The following CSMD1 variants were observed in gnomAD, a reference collection of about 807,000 sequenced individuals.
CSMD1 encodes the protein CUB and Sushi multiple domains 1.
In CSMD1, 213 loss-of-function variants were observed where a neutral mutation model predicts 417.5. The observed-to-expected ratio is 0.51, with a 90% CI of 0.46 to 0.57. CSMD1 has a LOEUF of 0.57. CSMD1 is among the 20% of genes least tolerant of loss of function. CSMD1 has a pLI of 0.00. For synonymous variants in CSMD1, 2,862 were observed against 1,736.8 expected, an observed-to-expected ratio of 1.65 and a Z score of -16.11; for missense variants, 6,923 against 4,529.7, an observed-to-expected ratio of 1.53 and a Z score of -15.17.
chr8:3,935,207 C>G (rs964903805), intron 5 of CSMD1, among the ~76,000 whole-genome samples: 1 of 152,058 alleles, frequency 6.6e-6, no homozygotes, highest in Non-Finnish European at 1.5e-5. Context: ...TAACAAAGCT[C>G]CAACAGAACA....
At chr8:3,901,730 A>T (rs1029545864) in intron 5 of CSMD1, among the ~76,000 whole-genome samples, 1 of 152,250 alleles carries the variant, frequency 6.6e-6, no homozygotes, top group African/African-American at 2.4e-5. Context: ...AACTGTCTTT[A>T]TGTAGGCTTA....
chr8:3,034,856 T>C (rs902156566), intron 50 of CSMD1, among the ~76,000 whole-genome samples: 1 of 152,148 alleles, frequency 6.6e-6, no homozygotes, highest in Non-Finnish European at 1.5e-5. Flanking sequence ...TACATGAAGC[T>C]GAAGTTAAGA....
intron 5 of CSMD1, among the ~76,000 whole-genome samples, chr8:3,786,430 G>T (rs576046021): frequency 2.0e-5 from 3 of 152,122 alleles, no homozygotes; most frequent in Non-Finnish European, 4.4e-5. Flanking sequence ...ACAAAAGTAC[G>T]AGAGAAAGCA....
chr8:4,117,549 G>A (rs1027524576), intron 3 of CSMD1, among the ~76,000 whole-genome samples: 4 of 152,168 alleles, frequency 2.6e-5, no homozygotes, highest in Non-Finnish European at 5.9e-5. Flanking sequence ...CTCACTGATT[G>A]TGACAGCTAA....
At chr8:4,087,728 CCT>C (rs1305391668) in intron 3 of CSMD1, among the ~76,000 whole-genome samples, 1 of 152,122 alleles carries the variant, frequency 6.6e-6, no homozygotes, top group Non-Finnish European at 1.5e-5. Flanking sequence ...TCAACCGCAC[CCT>C]TTCTTCTGTC....
chr8:3,142,801 G>A (rs150200026), intron 40 of CSMD1, 127 bp from the exon 41 acceptor site: 29 of 820,762 alleles, frequency 3.5e-5, no homozygotes, highest in African/African-American at 2.0e-4. Context: ...GAACCATGCC[G>A]TGGAGGACGG....
intron 12 of CSMD1, among the ~76,000 whole-genome samples, chr8:3,410,459 T>C (rs531250456): frequency 1.3e-5 from 2 of 152,272 alleles, no homozygotes; most frequent in South Asian, 2.1e-4. Flanking sequence ...GGCAGGTCTT[T>C]CCTGTGCTGT....
At chr8:3,674,166 A>C (rs1356170928) in intron 7 of CSMD1, among the ~76,000 whole-genome samples, 1 of 152,212 alleles carries the variant, frequency 6.6e-6, no homozygotes. Context: ...AACATTCATA[A>C]TGAAGACTTC....
At chr8:3,937,193 C>T (rs892196897) in intron 5 of CSMD1, among the ~76,000 whole-genome samples, 5 of 152,122 alleles carry the variant, frequency 3.3e-5, no homozygotes, top group Admixed American at 1.3e-4. Context: ...ATGCTGTGAA[C>T]ATTGTTGAAA....
At chr8:4,038,739 C>G (rs1797741333) in intron 3 of CSMD1, among the ~76,000 whole-genome samples, 1 of 152,178 alleles carries the variant, frequency 6.6e-6, no homozygotes, top group African/African-American at 2.4e-5. Context: ...GAATTCTGCG[C>G]CCAATGCAGA....
chr8:3,346,493 A>G (rs1174351615), intron 22 of CSMD1, among the ~76,000 whole-genome samples: 1 of 152,240 alleles, frequency 6.6e-6, no homozygotes, highest in Non-Finnish European at 1.5e-5. Flanking sequence ...CTTCTTCATG[A>G]CAGTCCCTCA....
intron 3 of CSMD1, among the ~76,000 whole-genome samples, chr8:4,323,294 TCA>T (rs1799373549): frequency 2.0e-5 from 3 of 152,136 alleles, no homozygotes; most frequent in Admixed American, 1.3e-4. Context: ...CAGACTTATT[TCA>T]CACAGTCTTA....
intron 48 of CSMD1, among the ~76,000 whole-genome samples, chr8:3,089,101 CAAAG>C (rs1814743948): frequency 6.6e-6 from 1 of 152,128 alleles, no homozygotes; most frequent in South Asian, 2.1e-4. Context: ...GCACAGAATA[CAAAG>C]AGAGACTGGA....
At position 4,881,453 on chromosome 8, in the gene CSMD1, ATCTATCTATCT is replaced by A. The variant is rs1198083417; in HGVS notation, c.85+112868_85+112878del. Among the ~76,000 whole-genome samples the A allele has an allele frequency of 1.9e-3, 91 of 47,834 alleles. 1 individual carries two copies. Among genetic ancestry groups the A allele is most frequent in the African/African-American group, 3.5e-3 (85 of 24,342 alleles). The allele number at this position is 47,834 out of a possible 152,430, so 31.4% of individuals were successfully genotyped here. On this transcript the variant is annotated intron_variant, in intron 1 of 69. Transcript: ENST00000635120. ...TATCTATCTATCTATCTATCTATCT[ATCTATCTATCT>A]TGTCTCCCTACATGCAATAAACCCT... is the stretch of plus-strand genomic sequence containing the variant.
chr8:4,632,507 C>T (rs556854621), intron 2 of CSMD1, among the ~76,000 whole-genome samples: 2 of 152,114 alleles, frequency 1.3e-5, no homozygotes, highest in East Asian at 3.9e-4. Flanking sequence ...AGCAAAACTC[C>T]ATCATGGGGG....
chr8:4,466,219 G>T (rs1032904684), intron 2 of CSMD1, among the ~76,000 whole-genome samples: 1 of 152,238 alleles, frequency 6.6e-6, no homozygotes, highest in African/African-American at 2.4e-5. Flanking sequence ...TAGTGAGACA[G>T]GGATCTCTCC....
chr8:4,070,602 C>A (rs1224385245), intron 3 of CSMD1, among the ~76,000 whole-genome samples: 2 of 152,124 alleles, frequency 1.3e-5, no homozygotes, highest in Non-Finnish European at 1.5e-5. Flanking sequence ...CGTGATCCAC[C>A]CACCTCGGCC....
chr8:3,839,429 AAATT>A (rs1403244075), intron 5 of CSMD1, among the ~76,000 whole-genome samples: 7 of 54,668 alleles, frequency 1.3e-4, no homozygotes, highest in African/African-American at 3.3e-4. Flanking sequence ...TATATATAAT[AAATT>A]AATATTATAT....
chr8:4,978,687 C>T (rs934546851), intron 1 of CSMD1, among the ~76,000 whole-genome samples: 4 of 152,094 alleles, frequency 2.6e-5, no homozygotes, highest in African/African-American at 7.2e-5. Flanking sequence ...CCTGTAATCC[C>T]AGCACTTTGG....
Sources: gnomAD v4.1 joint callset for allele counts (sites outside exome capture counted in the v4.1 genomes callset) on GRCh38, gnomAD v4.1.1 for gene constraint, MANE v1.5 for transcripts, NCBI Gene and HGNC (gene_info 2026-07-23, HGNC 2026-07-21) for gene names.